The following SIMC1 variants were observed in gnomAD, a reference collection of about 807,000 sequenced individuals.
SIMC1 encodes SUMO-interacting motif-containing protein 1.
A neutral mutation model predicts 82.3 loss-of-function variants in SIMC1; 55 were observed. The observed-to-expected ratio is 0.67, with a 90% confidence interval of 0.54 to 0.84. The LOEUF is 0.84. Ranked by LOEUF, SIMC1 falls within the 40% of genes least tolerant of loss-of-function variation. SIMC1 has a pLI of 0.00. For synonymous variants in SIMC1, 353 were observed against 426.3 expected (o/e 0.83, Z 2.12); for missense variants, 915 against 1,107.2 (o/e 0.83, Z 2.46).
In SIMC1 at chr5:176,290,320, C is replaced by A. The variant is rs144711758; in HGVS notation, c.796C>A (p.Gln266Lys). The A allele has an allele frequency of 1.7e-4, 274 of 1,613,870 alleles. No homozygotes were observed. Among genetic ancestry groups the A allele is most frequent in the Non-Finnish European group, 2.3e-4 (267 of 1,179,892 alleles). The change falls in exon 2 of 10, where the codon CAA becomes AAA. Residue 266 changes from glutamine (Q) to lysine (K), a missense_variant. By Grantham distance (53) the Gln-to-Lys change is moderately conservative. This residue lies in a region of SIMC1 where 902 missense variants were observed against 1,040.3 expected (regional missense o/e 0.87). Coordinates refer to ENST00000429602, the MANE Select transcript of SIMC1 (RefSeq NM_001308195.2). ...ACTACCAGCTCTAACTCACCCACCT[C>A]AAGAAGTGCCATGCCCTCGGCAGAA... ...CQLPALTHPPQEVPCPRQNIP... is the reference protein window; with the variant it reads ...CQLPALTHPPKEVPCPRQNIP...
intron 4 of SIMC1, among the ~76,000 whole-genome samples, chr5:176,311,347 C>T (rs759110813): frequency 1.2e-4 from 19 of 152,118 alleles, no homozygotes; most frequent in Admixed American, 1.3e-4. Context: ...AAGTGATCCT[C>T]CTGCCTCAGC....
intron 5 of SIMC1, among the ~76,000 whole-genome samples, chr5:176,317,371 A>G (rs1764962137): frequency 6.6e-6 from 1 of 152,208 alleles, no homozygotes; most frequent in African/African-American, 2.4e-5. Context: ...TCAGAAATAT[A>G]CTTGTCTCCA....
intron 1 of SIMC1, among the ~76,000 whole-genome samples, chr5:176,256,318 C>T (rs1761850798): frequency 6.6e-6 from 1 of 152,048 alleles, no homozygotes; most frequent in South Asian, 2.1e-4. Context: ...AATATATATA[C>T]ACGTATTTTT....
At chr5:176,340,526 G>T (rs778738463) in intron 9 of SIMC1, among the ~76,000 whole-genome samples, 55 of 152,294 alleles carry the variant, frequency 3.6e-4, no homozygotes, top group Non-Finnish European at 6.0e-4. Flanking sequence ...CACACACACG[G>T]TCTCCCTGCA....
At chr5:176,250,951 C>G (rs1465528502) in intron 1 of SIMC1, among the ~76,000 whole-genome samples, 1 of 152,106 alleles carries the variant, frequency 6.6e-6, no homozygotes, top group Non-Finnish European at 1.5e-5. Flanking sequence ...GGGCATTTAG[C>G]CCGTTTACAT....
intron 1 of SIMC1, among the ~76,000 whole-genome samples, chr5:176,281,961 C>T (rs1464485222): frequency 6.6e-6 from 1 of 152,216 alleles, no homozygotes; most frequent in East Asian, 1.9e-4. Flanking sequence ...CTCTTCAAAG[C>T]TGTCAGACAG....
intron 1 of SIMC1, among the ~76,000 whole-genome samples, chr5:176,286,244 A>C (rs1218581785): frequency 1.3e-5 from 2 of 152,406 alleles, no homozygotes; most frequent in African/African-American, 4.8e-5. Flanking sequence ...CTATACTACA[A>C]GGCTACAGTA....
intron 1 of SIMC1, among the ~76,000 whole-genome samples, chr5:176,260,305 G>A (rs2913307): frequency 5.9e-5 from 9 of 152,180 alleles, no homozygotes; most frequent in Admixed American, 1.3e-4. Context: ...TTGGCGACTC[G>A]GGGAAGGGGT....
intron 7 of SIMC1, among the ~76,000 whole-genome samples, chr5:176,328,630 G>T (rs1031652917): frequency 6.6e-6 from 1 of 151,982 alleles, no homozygotes; most frequent in East Asian, 1.9e-4. Context: ...TGGAACACTG[G>T]GCATAAATTT....
chr5:176,290,471 C>T lies in SIMC1; in HGVS notation c.947C>T (p.Pro316Leu), dbSNP rs746422790. The change falls in exon 2 of 10, where the codon CCA becomes CTA. Residue 316 changes from proline to leucine, a missense_variant. Pro to Leu is a moderately conservative substitution (Grantham distance 98). Around this residue, in one of 2 missense-constraint regions of SIMC1, gnomAD observed 902 missense variants for 1,040.3 expected, o/e 0.87. Transcript: ENST00000429602. ...QDMPRSPGDVPQSPSDVSPSP... is the reference protein window; with the variant it reads ...QDMPRSPGDVLQSPSDVSPSP... ...ATGCCACGGTCACCAGGAGATGTGC[C>T]ACAGTCACCAAGTGATGTTTCACCG... 67 of 1,613,878 alleles carry T rather than the reference C, an allele frequency of 4.2e-5. No individual in the cohort carries two copies. Among genetic ancestry groups the T allele is most frequent in the Non-Finnish European group, 5.6e-5 (66 of 1,179,790 alleles).
chr5:176,342,920 C>G lies in SIMC1; in HGVS notation c.2414-2263C>G, dbSNP rs181471219. Among the ~76,000 whole-genome samples the G allele has an allele frequency of 3.7e-3, 562 of 152,326 alleles. 2 individuals are homozygous for G. Among genetic ancestry groups the G allele is most frequent in the African/African-American group, 0.013 (534 of 41,570 alleles). On this transcript the variant is annotated intron_variant, in intron 9 of 9. Transcript: ENST00000429602. ...AGGACTGGGCCCAAGGCTCTAAATT[C>G]CACTGTGTCCCCAGACTCTAGCCAG...
intron 1 of SIMC1, among the ~76,000 whole-genome samples, chr5:176,256,277 G>A (rs1370344285): frequency 1.3e-5 from 2 of 152,076 alleles, no homozygotes; most frequent in Non-Finnish European, 2.9e-5. Context: ...TAGGAGACCA[G>A]AATTTTAGTT....
intron 7 of SIMC1, among the ~76,000 whole-genome samples, chr5:176,329,764 TAAAC>T (rs1048468714): frequency 2.6e-5 from 4 of 152,164 alleles, no homozygotes; most frequent in African/African-American, 9.7e-5. Flanking sequence ...ATTCTAGGAT[TAAAC>T]AAATAAATAT....
intron 9 of SIMC1, among the ~76,000 whole-genome samples, chr5:176,342,450 A>C (rs1766191198): frequency 6.6e-6 from 1 of 152,180 alleles, no homozygotes; most frequent in Non-Finnish European, 1.5e-5. Context: ...TTTAAGTATC[A>C]AATGTAATTT....
Position 176,290,870 on chromosome 5 carries a change from G to A in SIMC1, c.1346G>A (p.Cys449Tyr), listed in dbSNP as rs764937907. ...TPQGGLYNRPCLHRLKYFLRP... is the reference protein window; with the variant it reads ...TPQGGLYNRPYLHRLKYFLRP... ...CAAGGTGGGTTGTACAACAGACCAT[G>A]CCTGCATAGACTGAAGTACTTCTTA... The change falls in exon 2 of 10, where the codon TGC (cysteine) becomes TAC (tyrosine). Residue 449 changes from cysteine to tyrosine, a missense_variant. Physicochemically the swap from Cys to Tyr is radical, Grantham distance 194. Around this residue, in one of 2 missense-constraint regions of SIMC1, gnomAD observed 902 missense variants for 1,040.3 expected, o/e 0.87. Coordinates refer to ENST00000429602, the MANE Select transcript of SIMC1 (RefSeq NM_001308195.2). 4.3e-6 allele frequency: 7 copies of A among 1,613,252 alleles called. No homozygotes were observed. The highest frequency in any genetic ancestry group is 1.1e-5 in the South Asian group (1 of 90,948).
chr5:176,295,334 A>G (rs1763768490), intron 3 of SIMC1, 72 bp downstream of exon 3: 1 of 1,497,770 alleles, frequency 6.7e-7, no homozygotes, highest in Non-Finnish European at 8.9e-7. Flanking sequence ...CTTTCTCTTG[A>G]CAGGCTTTTT....
chr5:176,248,052 C>T (rs1761508663), intron 1 of SIMC1, among the ~76,000 whole-genome samples: 1 of 151,868 alleles, frequency 6.6e-6, no homozygotes, highest in Non-Finnish European at 1.5e-5. Context: ...ATGCCTCCAG[C>T]TTTGTTCTTT....
chr5:176,308,849 C>T (rs1012896797), intron 4 of SIMC1: 2 of 1,249,534 alleles, frequency 1.6e-6, no homozygotes, highest in African/African-American at 1.5e-5. Context: ...AACCAAGATC[C>T]ATAATGGCTC....
chr5:176,336,660 G>T (rs148685734), intron 7 of SIMC1, 60 bp from the exon 8 acceptor site: 656 of 1,582,476 alleles, frequency 4.1e-4, no homozygotes, highest in Non-Finnish European at 5.5e-4. Flanking sequence ...GTGAATTGTG[G>T]CTCATGTTCT....
Sources: allele counts gnomAD v4.1 joint callset (sites outside exome capture counted in the v4.1 genomes callset), GRCh38; gene constraint gnomAD v4.1.1; regional missense constraint gnomAD v4.1.1; transcripts MANE v1.5; gene names NCBI Gene and HGNC (gene_info 2026-07-23, HGNC 2026-07-21).